Variants in PRSS58 observed in about 807,000 individuals in gnomAD.
PRSS58 encodes serine protease 58, also known as protease, serine 58.
Under a neutral mutation model 25.0 loss-of-function variants are expected in PRSS58, and 31 were observed. The observed-to-expected ratio is 1.24, with a 90% CI of 0.93 to 1.67. The LOEUF is 1.67. PRSS58 is among the 40% of genes most tolerant of loss of function. PRSS58 has a pLI of 0.00. For missense variants in PRSS58, 324 were observed against 287.9 expected, an observed-to-expected ratio of 1.13 and a Z score of -0.91; for synonymous variants, 119 against 106.1, an observed-to-expected ratio of 1.12 and a Z score of -0.75.
At position 142,255,537 on chromosome 7, in the gene PRSS58, T is replaced by C. The variant is rs1048433439; in HGVS notation, c.177A>G (p.Leu59=). Residue 59 remains leucine, a splice_region_variant and synonymous_variant, in exon 3 of 6, where the codon TTA becomes TTG. Transcript: ENST00000547058. ...LWVITAAHCN[L]PKLRVILGVT... is the part of the protein sequence containing the mutation. Reference sequence around the variant, plus strand: ...GCCTTTGAAGGCTTATCACTCACGGTAAATTGCAGTGTGCAGCTGTGATCA... The same window carrying C: ...GCCTTTGAAGGCTTATCACTCACGGCAAATTGCAGTGTGCAGCTGTGATCA... 19 of 1,613,906 alleles carry C rather than the reference T, an allele frequency of 1.2e-5. No individual in the cohort carries two copies. Among genetic ancestry groups the C allele is most frequent in the Non-Finnish European group, 1.6e-5 (19 of 1,179,972 alleles).
At chr7:142,257,259 C>A (rs777526566) in intron 2 of PRSS58, among the ~76,000 whole-genome samples, 3 of 152,112 alleles carry the variant, frequency 2.0e-5, no homozygotes, top group Non-Finnish European at 4.4e-5. Context: ...TCTAAGAGAT[C>A]AAACGTGGGG....
chr7:142,252,401 A>C (rs1281338993), intron 5 of PRSS58, 31 bp from the exon 6 acceptor site: 1 of 1,611,484 alleles, frequency 6.2e-7, no homozygotes, highest in Non-Finnish European at 8.5e-7. Context: ...ACAACAACAA[A>C]AAAGCAGATT....
At position 142,255,122 on chromosome 7, in the gene PRSS58, G is replaced by C. The variant is rs753951094; in HGVS notation, c.369C>G (p.Pro123=). Residue 123 remains proline (P), a synonymous_variant, in exon 4 of 6, where the codon CCC becomes CCG. Transcript: ENST00000547058. The part of the protein sequence containing the change: ...LNDYVKLANL[P]YQTISENTMC... Reference sequence around the variant, plus strand: ...TGGTATTTTCAGAGATAGTTTGGTAGGGCAGGTTGGCTAATTTCACATAGT... The same window carrying C: ...TGGTATTTTCAGAGATAGTTTGGTACGGCAGGTTGGCTAATTTCACATAGT... 24 of 1,613,802 alleles carry C rather than the reference G, an allele frequency of 1.5e-5. No individual in the cohort carries two copies. The highest frequency in any genetic ancestry group is 1.4e-5 in the Non-Finnish European group (17 of 1,179,828).
intron 4 of PRSS58, among the ~76,000 whole-genome samples, chr7:142,253,906 A>T (rs1212572467): frequency 6.6e-6 from 1 of 152,192 alleles, no homozygotes; most frequent in Non-Finnish European, 1.5e-5. Context: ...GAGGACAAAT[A>T]ATTTCTACTT....
At position 142,255,268 on chromosome 7, in the gene PRSS58, T is replaced by C; in HGVS notation, c.223A>G (p.Asn75Asp). Residue 75 changes from asparagine to aspartate, a missense_variant, in exon 4 of 6, where the codon AAT (asparagine) becomes GAT (aspartate). Asn to Asp is a conservative substitution (Grantham distance 23, BLOSUM62 1). Coordinates refer to ENST00000547058, the MANE Select transcript of PRSS58 (RefSeq NM_001001317.5). ...CCAATCACTTGCAGATGCTTTTCAT[T>C]AGAGTCTGCTGGGATTGTAACCCCC... ...ILGVTIPADS[N>D]EKHLQVIGYE... 6.2e-7 allele frequency: 1 copy of C among 1,613,646 alleles called. No individual in the cohort carries two copies. The highest frequency in any genetic ancestry group is 8.5e-7 in the Non-Finnish European group (1 of 1,179,594).
At position 142,255,308 on chromosome 7, in the gene PRSS58, C is replaced by T. The variant is rs1894317; in HGVS notation, c.183G>A (p.Lys61=). Residue 61 remains lysine (K), a synonymous_variant, in exon 4 of 6, where the codon AAG becomes AAA. Transcript: ENST00000547058. The part of the protein sequence containing the change: ...VITAAHCNLP[K]LRVILGVTIP... The stretch of plus-strand genomic sequence containing the variant: ...TTGTAACCCCCAATATCACCCGAAG[C>T]TTTCTGGAACAATATAGACGTTTAT... 0.12 allele frequency: 197,274 copies of T among 1,612,190 alleles called. 15,147 individuals carry two copies. Among genetic ancestry groups the T allele is most frequent in the African/African-American group, 0.34 (25,540 of 74,838 alleles).
chr7:142,257,621 C>A (rs1798579807), intron 2 of PRSS58, 47 bp downstream of exon 2: 1 of 1,532,164 alleles, frequency 6.5e-7, no homozygotes, highest in African/African-American at 1.4e-5. Flanking sequence ...ATGCTTTTCC[C>A]AGGATTTCTC....
chr7:142,256,195 T>C (rs1202190924), intron 2 of PRSS58, among the ~76,000 whole-genome samples: 1 of 152,198 alleles, frequency 6.6e-6, no homozygotes. Flanking sequence ...TCAAGCTCTG[T>C]TTTAGGGGCT....
At position 142,255,110 on chromosome 7, in the gene PRSS58, G is replaced by A; in HGVS notation, c.381C>T (p.Ile127=). ...AGACAGAGCACATGGTATTTTCAGA[G>A]ATAGTTTGGTAGGGCAGGTTGGCTA... ...VKLANLPYQT[I]SENTMCSVST... is the part of the protein sequence containing the mutation. The change falls in exon 4 of 6, where the codon ATC becomes ATT. Residue 127 remains isoleucine (I), a synonymous_variant. Coordinates refer to ENST00000547058, the MANE Select transcript of PRSS58 (RefSeq NM_001001317.5). 2 of 1,614,024 alleles carry A rather than the reference G, an allele frequency of 1.2e-6. No homozygotes were observed. Among genetic ancestry groups the A allele is most frequent in the Non-Finnish European group, 1.7e-6 (2 of 1,179,912 alleles).
chr7:142,257,720 A>G lies in PRSS58; in HGVS notation c.-13T>C, dbSNP rs1375267502. The G allele has an allele frequency of 3.1e-6, 5 of 1,610,464 alleles. No individual in the cohort carries two copies. Among genetic ancestry groups the G allele is most frequent in the Non-Finnish European group, 4.2e-6 (5 of 1,176,808 alleles). ...GGATAAACTTCATGATGATGTTGAA[A>G]GCCCAGTTTAGCTCCAGTCTCTGGA... is the stretch of plus-strand genomic sequence containing the variant. On this transcript the variant is annotated 5_prime_UTR_variant, in exon 2 of 6. Transcript: ENST00000547058.
intron 1 of PRSS58, 46 bp downstream of exon 1, chr7:142,257,944 GT>G: frequency 2.0e-6 from 1 of 506,582 alleles, no homozygotes; most frequent in Non-Finnish European, 3.5e-6. Flanking sequence ...GTTGAAAATG[GT>G]TCTGGAACTC....
Position 142,252,284 on chromosome 7 carries a change from A to C in PRSS58, c.663T>G (p.Val221=), listed in dbSNP as rs1470113100. 6.2e-7 allele frequency: 1 copy of C among 1,614,172 alleles called. No homozygotes were observed. The highest frequency in any genetic ancestry group is 8.5e-7 in the Non-Finnish European group (1 of 1,180,014). The change falls in exon 6 of 6, where the codon GTT becomes GTG. Residue 221 remains valine, a synonymous_variant. Transcript: ENST00000547058. ...AGTAAAAAATTTTGGCATAGATGCC[A>C]ACATCAGCTCTCAAAACACATCCAT... ...FADGCVLRAD[V]GIYAKIFYYI...
intron 4 of PRSS58, among the ~76,000 whole-genome samples, chr7:142,253,397 A>G (rs10260153): frequency 0.18 from 27,726 of 152,102 alleles, 3,405 homozygotes; most frequent in African/African-American, 0.34. Flanking sequence ...TTAAAACTGG[A>G]TTTCCTGGTT....
At chr7:142,257,254 G>A (rs980515343) in intron 2 of PRSS58, among the ~76,000 whole-genome samples, 23 of 152,186 alleles carry the variant, frequency 1.5e-4, no homozygotes, top group African/African-American at 5.5e-4. Context: ...ATTTTTCTAA[G>A]AGATCAAACG....
Position 142,255,303 on chromosome 7 carries a change from C to G in PRSS58, c.188G>C (p.Arg63Pro), listed in dbSNP as rs138718517. The change falls in exon 4 of 6, where the codon CGG becomes CCG. Residue 63 changes from arginine to proline, a missense_variant. Transcript: ENST00000547058. ...TAAHCNLPKL[R>P]VILGVTIPAD... is the part of the protein sequence containing the mutation. ...TGGGATTGTAACCCCCAATATCACC[C>G]GAAGCTTTCTGGAACAATATAGACG... The G allele has an allele frequency of 2.5e-6, 4 of 1,613,462 alleles. No individual in the cohort carries two copies. The highest frequency in any genetic ancestry group is 1.3e-5 in the African/African-American group (1 of 74,870).
At chr7:142,253,575 G>T (rs188901546) in intron 4 of PRSS58, among the ~76,000 whole-genome samples, 12 of 152,242 alleles carry the variant, frequency 7.9e-5, no homozygotes, top group African/African-American at 2.6e-4. Context: ...AAGAAGTACT[G>T]TATTTTAAGA....
chr7:142,256,835 T>C lies in PRSS58; in HGVS notation c.40+833A>G, dbSNP rs554992193. Among the ~76,000 whole-genome samples the C allele has an allele frequency of 2.0e-3, 303 of 152,162 alleles. 1 individual carries two copies. Among genetic ancestry groups the C allele is most frequent in the Non-Finnish European group, 2.8e-3 (192 of 68,004 alleles). ...AACAATAACATGAAAACGGGGGAAG[T>C]TGCTAGTCAAATATCTGGGTGAAGG... On this transcript the variant is annotated intron_variant, in intron 2 of 5. Coordinates refer to ENST00000547058, the MANE Select transcript of PRSS58 (RefSeq NM_001001317.5).
chr7:142,253,536 C>T (rs1547388), intron 4 of PRSS58, among the ~76,000 whole-genome samples: 33,857 of 152,032 alleles, frequency 0.22, 4,626 homozygotes, highest in East Asian at 0.52. Context: ...ACATGTGGCA[C>T]GTGTTCTTTC....
intron 2 of PRSS58, among the ~76,000 whole-genome samples, chr7:142,257,018 C>T (rs1045322101): frequency 2.0e-5 from 3 of 152,088 alleles, no homozygotes; most frequent in African/African-American, 4.8e-5. Flanking sequence ...CGTAAGAACT[C>T]GGCCTTGTTT....
Sources: gnomAD v4.1 joint callset for allele counts (sites outside exome capture counted in the v4.1 genomes callset) on GRCh38, gnomAD v4.1.1 for gene constraint, MANE v1.5 for transcripts, NCBI Gene and HGNC (gene_info 2026-07-23, HGNC 2026-07-21) for gene names.